Variants in AKAP13 observed in about 807,000 individuals in gnomAD.
The protein encoded by AKAP13 is A-kinase anchoring protein 13, also known as A-kinase anchor protein 13.
Under a neutral mutation model 264.5 loss-of-function variants are expected in AKAP13, and 80 were observed. The observed-to-expected ratio is 0.30, with a 90% CI of 0.25 to 0.36. The LOEUF (loss-of-function observed/expected upper bound fraction) is 0.36. Among genes scored for constraint, AKAP13 ranks in the 10% least tolerant of loss-of-function variants. The probability of loss-of-function intolerance (pLI) is 1.00; values close to 1 mark genes in which losing one functional copy is unlikely to be tolerated. For missense variants in AKAP13, 3,712 were observed against 3,435.2 expected, an observed-to-expected ratio of 1.08 and a Z score of -2.01; for synonymous variants, 1,380 against 1,250.2, an observed-to-expected ratio of 1.10 and a Z score of -2.19.
At chr15:85,390,446 G>A (rs1161040169) in intron 1 of AKAP13, among the ~76,000 whole-genome samples, 5 of 152,150 alleles carry the variant, frequency 3.3e-5, no homozygotes, top group Non-Finnish European at 7.4e-5. Flanking sequence ...TGAACAGGGA[G>A]CCTGGTGTGG....
chr15:85,496,300 C>G (rs1376468226), intron 2 of AKAP13, among the ~76,000 whole-genome samples: 5 of 152,072 alleles, frequency 3.3e-5, no homozygotes, highest in Non-Finnish European at 7.4e-5. Context: ...TTTCTACCAC[C>G]ACATTGGGTT....
chr15:85,552,195 A>T (rs140596356), intron 5 of AKAP13, among the ~76,000 whole-genome samples: 3 of 152,352 alleles, frequency 2.0e-5, no homozygotes, highest in Admixed American at 1.3e-4. Context: ...ACCTTATAGT[A>T]GGAGAACAGT....
intron 1 of AKAP13, among the ~76,000 whole-genome samples, chr15:85,430,335 T>C (rs2072971907): frequency 6.6e-6 from 1 of 152,258 alleles, no homozygotes; most frequent in African/African-American, 2.4e-5. Context: ...TTCTGCCTTA[T>C]AGTAGTAAAA....
chr15:85,717,944 C>A, intron 21 of AKAP13, 63 bp from the exon 22 acceptor site: 1 of 1,538,600 alleles, frequency 6.5e-7, no homozygotes, highest in Non-Finnish European at 8.9e-7. Context: ...GAGGAAAGTC[C>A]AACATAGGCT....
intron 17 of AKAP13, among the ~76,000 whole-genome samples, chr15:85,696,566 C>T (rs1004071351): frequency 8.5e-5 from 13 of 152,152 alleles, no homozygotes; most frequent in African/African-American, 3.1e-4. Flanking sequence ...GCCAGTTCTT[C>T]TTTTGGAGAG....
chr15:85,521,500 T>A lies in AKAP13; in HGVS notation c.106T>A (p.Phe36Ile). ...AEDDVVFYLV[F>I]LGSTLRHCTS... is the part of the protein sequence containing the mutation. The stretch of plus-strand genomic sequence containing the variant: ...AGATGATGTAGTGTTTTACTTGGTA[T>A]TTTTGGGTTCCACCCTCCGTCACTG... The change falls in exon 3 of 37, where the codon TTT becomes ATT. Residue 36 changes from phenylalanine (F) to isoleucine (I), a missense_variant. Coordinates refer to ENST00000394518, the MANE Select transcript of AKAP13 (RefSeq NM_007200.5). 1.2e-6 allele frequency: 2 copies of A among 1,614,150 alleles called. No homozygotes were observed. The highest frequency in any genetic ancestry group is 1.7e-6 in the Non-Finnish European group (2 of 1,180,004).
At chr15:85,598,756 A>G (rs1030300465) in intron 8 of AKAP13, among the ~76,000 whole-genome samples, 2 of 152,022 alleles carry the variant, frequency 1.3e-5, no homozygotes, top group African/African-American at 4.8e-5. Context: ...CAGAGAAGGA[A>G]TTTTCCATTG....
intron 1 of AKAP13, among the ~76,000 whole-genome samples, chr15:85,406,052 A>G (rs547321294): frequency 7.9e-5 from 12 of 152,166 alleles, no homozygotes; most frequent in South Asian, 2.1e-4. Context: ...GGGTCTCACT[A>G]TGTTGCCCAG....
chr15:85,537,735 C>T (rs1324637506), intron 4 of AKAP13, among the ~76,000 whole-genome samples: 3 of 152,186 alleles, frequency 2.0e-5, no homozygotes, highest in Non-Finnish European at 4.4e-5. Context: ...AATACTCAAT[C>T]TCTCTGTTAC....
At chr15:85,733,873 C>CTTTTTTTTTTTTT (rs72092500) in intron 30 of AKAP13, among the ~76,000 whole-genome samples, 40 of 82,566 alleles carry the variant, frequency 4.8e-4, no homozygotes, top group African/African-American at 8.1e-4. Flanking sequence ...TCTTTCTTTT[C>CTTTTTTTTTTTTT]TTTTTTTTTT....
At chr15:85,488,760 C>G (rs1332652071) in intron 2 of AKAP13, among the ~76,000 whole-genome samples, 1 of 152,216 alleles carries the variant, frequency 6.6e-6, no homozygotes, top group Admixed American at 6.5e-5. Context: ...CAAAAGAACA[C>G]TTTCTCCACA....
chr15:85,706,495 G>C (rs1340682310), intron 17 of AKAP13, among the ~76,000 whole-genome samples: 1 of 152,174 alleles, frequency 6.6e-6, no homozygotes. Flanking sequence ...GGAAACGGAG[G>C]CCTGTCAAGA....
At chr15:85,615,118 C>T (rs2151403701) in intron 8 of AKAP13, among the ~76,000 whole-genome samples, 1 of 152,272 alleles carries the variant, frequency 6.6e-6, no homozygotes, top group South Asian at 2.1e-4. Flanking sequence ...TACGAAGATA[C>T]TTTTTTCTTA....
chr15:85,715,935 TA>T lies in AKAP13; in HGVS notation c.5735+13del. The T allele has an allele frequency of 6.2e-7, 1 of 1,609,276 alleles. No homozygotes were observed. Among genetic ancestry groups the T allele is most frequent in the Admixed American group, 1.7e-5 (1 of 58,608 alleles). The stretch of plus-strand genomic sequence containing the variant: ...CAGAACATTACTGGGTAAGTGGAGA[TA>T]TTTAAAGATAGCACAGTTGGCATCT... On this transcript the variant is annotated intron_variant, in intron 20 of 36. Coordinates refer to ENST00000394518, the MANE Select transcript of AKAP13 (RefSeq NM_007200.5).
At position 85,724,550 on chromosome 15, in the gene AKAP13, C is replaced by T. The variant is rs1332166922; in HGVS notation, c.6745+1230C>T. ...AGCAGAGTGAATGACAGGGGAGTGA[C>T]GGGAAACCAGCCCAAAGAAACGGGA... On this transcript the variant is annotated intron_variant, in intron 26 of 36. Coordinates refer to ENST00000394518, the MANE Select transcript of AKAP13 (RefSeq NM_007200.5). The surrounding 1 kb of genome is among the most constrained non-coding windows in gnomAD (Gnocchi z 4.2). Among the ~76,000 whole-genome samples the T allele has an allele frequency of 4.0e-5, 6 of 151,456 alleles. No homozygotes were observed. Among genetic ancestry groups the T allele is most frequent in the East Asian group, 2.0e-4 (1 of 5,116 alleles).
intron 17 of AKAP13, among the ~76,000 whole-genome samples, chr15:85,700,399 A>G (rs537315773): frequency 2.0e-5 from 3 of 152,320 alleles, no homozygotes; most frequent in East Asian, 1.9e-4. Flanking sequence ...TCCTTATGCT[A>G]TCAGTGTCGT....
intron 8 of AKAP13, among the ~76,000 whole-genome samples, chr15:85,635,964 G>A (rs955692565): frequency 6.6e-6 from 1 of 152,132 alleles, no homozygotes; most frequent in Admixed American, 6.5e-5. Flanking sequence ...GGTTTGGTTA[G>A]TGCAGCTTTT....
intron 9 of AKAP13, among the ~76,000 whole-genome samples, chr15:85,643,555 G>T (rs769880009): frequency 4.6e-5 from 7 of 152,162 alleles, no homozygotes; most frequent in Non-Finnish European, 1.0e-4. Context: ...CAAAGGAGAC[G>T]TTGGAAGTTA....
In AKAP13 at chr15:85,585,484, A is replaced by G. The variant is rs186662962; in HGVS notation, c.4040-218A>G. 2.0e-5 allele frequency among the ~76,000 whole-genome samples: 3 copies of G among 152,372 alleles called. No homozygotes were observed. In the East Asian group the frequency reaches 5.8e-4, roughly 29 times the overall value. On this transcript the variant is annotated intron_variant, in intron 7 of 36. Coordinates refer to ENST00000394518, the MANE Select transcript of AKAP13 (RefSeq NM_007200.5). ...TGAATTGGATCCTCGCTTAGTTCCA[A>G]GCGCCTACAAAGGCTAGGGAAAACC...
Sources: gnomAD v4.1 joint callset for allele counts (sites outside exome capture counted in the v4.1 genomes callset) on GRCh38, gnomAD v4.1.1 for gene constraint, Gnocchi (gnomAD v3.1) non-coding constraint, MANE v1.5 for transcripts, NCBI Gene and HGNC (gene_info 2026-07-23, HGNC 2026-07-21) for gene names.